AR: variants seen among roughly 807,000 people sequenced by gnomAD.
AR encodes the protein dihydrotestosterone receptor.
AR carries 8 observed loss-of-function variants against 53.9 expected under a neutral mutation model. That is an observed-to-expected ratio of 0.15 (90% CI 0.09 to 0.27). The LOEUF (loss-of-function observed/expected upper bound fraction) is 0.27, where lower values mean the gene tolerates loss of function less well. Among genes scored for constraint, AR ranks in the 10% least tolerant of loss-of-function variants. AR has a pLI of 1.00. For missense variants in AR, 639 were observed against 742.5 expected (o/e 0.86, Z 1.62); for synonymous variants, 359 against 316.4 (o/e 1.13, Z -1.43).
chrX:67,725,227 A>G lies in AR; in HGVS notation c.*1386A>G. 1 of 175,216 alleles carries G rather than the reference A, an allele frequency of 5.7e-6. No individual in the cohort carries two copies. Among genetic ancestry groups the G allele is most frequent in the Non-Finnish European group, 1.1e-5 (1 of 91,456 alleles). The allele number at this position is 175,216 out of a possible 1,213,427, so 14.4% of individuals were successfully genotyped here. ...CACCACCAAGAAGGTTAGCAGGCCA[A>G]CAGCTCTGACATCTATCTGTAGATG... On this transcript the variant is annotated 3_prime_UTR_variant, in exon 8 of 8. Coordinates refer to ENST00000374690, the MANE Select transcript of AR (RefSeq NM_000044.6).
chrX:67,631,894 G>A (rs775704099), intron 1 of AR, among the ~76,000 whole-genome samples: 1,149 of 112,105 alleles, frequency 0.01, 14 homozygotes, highest in African/African-American at 0.035. Context: ...TGGAGTACCC[G>A]GCCGTGTGAG....
chrX:67,661,640 G>A (rs747633268), intron 2 of AR, among the ~76,000 whole-genome samples: 15 of 111,343 alleles, frequency 1.3e-4, no homozygotes, highest in South Asian at 7.6e-4. Flanking sequence ...CAGGGATATC[G>A]GTCTAAAATT....
At chrX:67,613,669 G>A (rs1444021900) in intron 1 of AR, among the ~76,000 whole-genome samples, 2 of 111,514 alleles carry the variant, frequency 1.8e-5, no homozygotes, top group Non-Finnish European at 3.8e-5. Context: ...GCCACACATG[G>A]ATCCATCAGT....
chrX:67,628,310 C>T (rs1187391660), intron 1 of AR, among the ~76,000 whole-genome samples: 1 of 97,945 alleles, frequency 1.0e-5, no homozygotes, highest in Non-Finnish European at 2.1e-5. Context: ...TCTTTTATTT[C>T]CTTGAGCAGT....
chrX:67,691,655 T>C (rs1602259277), intron 3 of AR, among the ~76,000 whole-genome samples: 2 of 112,087 alleles, frequency 1.8e-5, no homozygotes, highest in East Asian at 5.7e-4. Flanking sequence ...AGGCAGAGAA[T>C]ACCTATACCT....
intron 7 of AR, 94 bp downstream of exon 7, chrX:67,723,078 A>T: frequency 9.6e-7 from 1 of 1,039,863 alleles, no homozygotes; most frequent in Non-Finnish European, 1.3e-6. Context: ...ACCTGTTGGG[A>T]GGTGCTTCCA....
In AR at chrX:67,627,652, A is replaced by G. The variant is rs952095107; in HGVS notation, c.1617-15604A>G. ...TTAGTTGAATTAGATCCCATTTGTC[A>G]ATTTTGACTTTTGGTGTTTTAGACA... On this transcript the variant is annotated intron_variant, in intron 1 of 7. Coordinates refer to ENST00000374690, the MANE Select transcript of AR (RefSeq NM_000044.6). 3.6e-5 allele frequency among the ~76,000 whole-genome samples: 4 copies of G among 111,289 alleles called. No homozygotes were observed. The Admixed American group carries it at 3.8e-4, about 11-fold the overall frequency.
chrX:67,702,802 G>C (rs1328059136), intron 3 of AR, among the ~76,000 whole-genome samples: 6 of 112,442 alleles, frequency 5.3e-5, no homozygotes, highest in African/African-American at 1.9e-4. Context: ...GTCAGTTCCA[G>C]GCTGGGTGTG....
At chrX:67,556,756 T>A (rs1921070970) in intron 1 of AR, among the ~76,000 whole-genome samples, 1 of 111,428 alleles carries the variant, frequency 9.0e-6, no homozygotes, top group Non-Finnish European at 1.9e-5. Context: ...AAAGTAAATT[T>A]TGAGTAGTGA....
intron 2 of AR, among the ~76,000 whole-genome samples, chrX:67,670,736 A>G (rs971043365): frequency 7.2e-5 from 8 of 110,419 alleles, no homozygotes; most frequent in Non-Finnish European, 1.5e-4. Flanking sequence ...TCCTAATGCT[A>G]TCTTTCCCCT....
intron 1 of AR, among the ~76,000 whole-genome samples, chrX:67,552,214 A>ATGG (rs1396114736): frequency 3.6e-5 from 4 of 111,977 alleles, no homozygotes; most frequent in Admixed American, 1.9e-4. Context: ...AGCAACCAAT[A>ATGG]ATCTACTTCT....
chrX:67,700,067 T>C (rs2076036331), intron 3 of AR, among the ~76,000 whole-genome samples: 2 of 111,519 alleles, frequency 1.8e-5, no homozygotes, highest in Admixed American at 1.9e-4. Flanking sequence ...CATCCAGGCA[T>C]GATATCAGGC....
chrX:67,564,779 A>T (rs926840244), intron 1 of AR, among the ~76,000 whole-genome samples: 2 of 111,186 alleles, frequency 1.8e-5, no homozygotes, highest in Non-Finnish European at 3.8e-5. Flanking sequence ...AAGTGAAATA[A>T]TTTTTTTTCT....
At chrX:67,655,416 T>C (rs1224134774) in intron 2 of AR, among the ~76,000 whole-genome samples, 2 of 111,779 alleles carry the variant, frequency 1.8e-5, no homozygotes, top group Non-Finnish European at 3.8e-5. Context: ...GTAGCCCATG[T>C]CACTTGGAAA....
At chrX:67,684,686 C>T (rs1196692924) in intron 2 of AR, among the ~76,000 whole-genome samples, 2 of 111,700 alleles carry the variant, frequency 1.8e-5, no homozygotes, top group African/African-American at 6.5e-5. Flanking sequence ...TACAATAAAA[C>T]TAATCTTATG....
chrX:67,677,131 A>T (rs1173396013), intron 2 of AR, among the ~76,000 whole-genome samples: 1 of 110,916 alleles, frequency 9.0e-6, no homozygotes, highest in Non-Finnish European at 1.9e-5. Flanking sequence ...GCGAACCAGG[A>T]TTCCAAACAG....
chrX:67,714,268 G>C (rs947302214), intron 4 of AR, among the ~76,000 whole-genome samples: 12 of 112,091 alleles, frequency 1.1e-4, no homozygotes, highest in Non-Finnish European at 1.5e-4. Flanking sequence ...TAAGATGATA[G>C]AATAATCACT....
intron 2 of AR, among the ~76,000 whole-genome samples, chrX:67,648,545 T>A (rs1458447352): frequency 9.0e-6 from 1 of 111,532 alleles, no homozygotes; most frequent in Non-Finnish European, 1.9e-5. Flanking sequence ...GGCTTAATTC[T>A]GGGCCTCCCC....
rs1237231604 is a variant in AR, at chrX:67,545,064, A to G, written c.-83A>G. 9.0e-7 allele frequency: 1 copy of G among 1,106,802 alleles called. No individual in the cohort carries two copies. The highest frequency in any genetic ancestry group is 1.2e-6 in the Non-Finnish European group (1 of 841,438). 91.2% of individuals were successfully genotyped at this position (1,106,802 alleles called of 1,213,427 possible). A position where few individuals can be genotyped will look rare whatever the true frequency, so the allele number is the denominator to read the frequency against. ...AGCTAGCTGCAGCGACTACCGCATC[A>G]TCACAGCCTGTTGAACTCTTCTGAG... On this transcript the variant is annotated 5_prime_UTR_variant, in exon 1 of 8. Transcript: ENST00000374690.
Sources: allele counts gnomAD v4.1 joint callset (sites outside exome capture counted in the v4.1 genomes callset), GRCh38; gene constraint gnomAD v4.1.1; transcripts MANE v1.5; gene names NCBI Gene and HGNC (gene_info 2026-07-23, HGNC 2026-07-21).